SDK1: variants seen among roughly 807,000 people sequenced by gnomAD.
SDK1 encodes the protein sidekick cell adhesion molecule 1.
In SDK1, 157 loss-of-function variants were observed where a neutral mutation model predicts 245.5. The ratio of observed to expected loss-of-function variants is 0.64; its 90% confidence interval spans 0.56 to 0.73. The LOEUF is 0.73. Ranked by LOEUF, SDK1 falls within the 30% of genes least tolerant of loss-of-function variation. The pLI is 0.00. For synonymous variants in SDK1, 1,647 were observed against 1,278.5 expected, an observed-to-expected ratio of 1.29 and a Z score of -6.15; for missense variants, 3,583 against 3,002.3, an observed-to-expected ratio of 1.19 and a Z score of -4.52.
At chr7:3,643,914 T>A (rs2128653127) in intron 4 of SDK1, 1 of 149,550 alleles carries the variant, frequency 6.7e-6, no homozygotes, top group Non-Finnish European at 1.5e-5. Context: ...AATTAATAAT[T>A]ATTATTTTGA....
Position 3,596,332 on chromosome 7 carries a change from C to T in SDK1, c.299-22748C>T, listed in dbSNP as rs975656135. Reference sequence around the variant, plus strand: ...AATTGGTACAAGAGAGTAAGTCTGACAGTGCCAGTGACCATCAGAACAAAC... The same window carrying T: ...AATTGGTACAAGAGAGTAAGTCTGATAGTGCCAGTGACCATCAGAACAAAC... On this transcript the variant is annotated intron_variant, in intron 1 of 44. Coordinates refer to ENST00000404826, the MANE Select transcript of SDK1 (RefSeq NM_152744.4). Among the ~76,000 whole-genome samples, 7 of 152,174 alleles carry T rather than the reference C, an allele frequency of 4.6e-5. No homozygotes were observed. In the South Asian group the frequency reaches 1.5e-3, roughly 32 times the overall value.
intron 5 of SDK1, among the ~76,000 whole-genome samples, chr7:3,836,377 G>A (rs189484469): frequency 1.3e-3 from 199 of 152,228 alleles, no homozygotes; most frequent in Non-Finnish European, 2.3e-3. Flanking sequence ...TAAAAAGTAC[G>A]GCATTAGTCA....
chr7:3,665,412 C>G (rs1413988707), intron 4 of SDK1, among the ~76,000 whole-genome samples: 3 of 152,118 alleles, frequency 2.0e-5, no homozygotes, highest in African/African-American at 7.2e-5. Flanking sequence ...CTGCTCTAGC[C>G]TCTGCTGCCT....
intron 28 of SDK1, 200 bp downstream of exon 28, chr7:4,132,623 G>T (rs1462035387): frequency 2.0e-6 from 1 of 496,218 alleles, no homozygotes; most frequent in Non-Finnish European, 3.7e-6. Context: ...AGCTACTTGG[G>T]AGGCTAAGGT....
intron 35 of SDK1, among the ~76,000 whole-genome samples, chr7:4,184,284 C>T (rs1177712724): frequency 1.3e-5 from 2 of 152,198 alleles, no homozygotes; most frequent in African/African-American, 2.4e-5. Flanking sequence ...CATAGGTAAG[C>T]GTGCAGGTCC....
chr7:3,419,353 T>C (rs1000922600), intron 1 of SDK1, among the ~76,000 whole-genome samples: 2 of 152,184 alleles, frequency 1.3e-5, no homozygotes, highest in Non-Finnish European at 2.9e-5. Flanking sequence ...AAGTCAGTAA[T>C]TAGGATCCAC....
chr7:3,840,056 TAGAAA>T (rs1410654603), intron 5 of SDK1, among the ~76,000 whole-genome samples: 3 of 152,210 alleles, frequency 2.0e-5, no homozygotes, highest in Non-Finnish European at 4.4e-5. Context: ...CTCCGTATGA[TAGAAA>T]AGAGTGACCT....
chr7:3,974,436 G>A lies in SDK1; in HGVS notation c.1885G>A (p.Asp629Asn). ...SSTSRIVVEK[D>N]GSLLISQTWS... is the part of the protein sequence containing the mutation. ...CACGTCTAGGATCGTGGTGGAGAAG[G>A]ACGGGTCCCTTCTCATCAGCCAGAC... Residue 629 changes from aspartate to asparagine, a missense_variant, in exon 13 of 45, where the codon GAC becomes AAC. Asp to Asn is a conservative substitution (Grantham distance 23, BLOSUM62 1). Transcript: ENST00000404826. 1.2e-6 allele frequency: 2 copies of A among 1,614,134 alleles called. No homozygotes were observed. The highest frequency in any genetic ancestry group is 2.2e-5 in the East Asian group (1 of 44,878).
chr7:3,769,969 T>C (rs1780361604), intron 4 of SDK1, among the ~76,000 whole-genome samples: 1 of 151,098 alleles, frequency 6.6e-6, no homozygotes, highest in African/African-American at 2.5e-5. Context: ...TGTGTGTGTG[T>C]ATTTACGGCT....
chr7:3,862,899 T>G (rs1780729439), intron 5 of SDK1, among the ~76,000 whole-genome samples: 1 of 152,186 alleles, frequency 6.6e-6, no homozygotes, highest in Non-Finnish European at 1.5e-5. Flanking sequence ...TATGGATCCC[T>G]GGCATGCACA....
chr7:4,221,945 G>A (rs1002360843), intron 40 of SDK1, among the ~76,000 whole-genome samples: 18 of 152,152 alleles, frequency 1.2e-4, no homozygotes, highest in African/African-American at 3.9e-4. Flanking sequence ...GTTTCTGATC[G>A]GGTGCGTCGG....
intron 22 of SDK1, among the ~76,000 whole-genome samples, chr7:4,082,079 G>A (rs1170691972): frequency 1.3e-5 from 2 of 152,156 alleles, no homozygotes; most frequent in East Asian, 1.9e-4. Context: ...GGAATAACAG[G>A]TTTTCCTGGG....
At chr7:3,937,724 G>C (rs930572248) in intron 5 of SDK1, among the ~76,000 whole-genome samples, 1 of 152,212 alleles carries the variant, frequency 6.6e-6, no homozygotes, top group South Asian at 2.1e-4. Context: ...CCCTGCCCGC[G>C]CGTCCTGCAG....
chr7:3,420,849 C>T (rs1779515661), intron 1 of SDK1, among the ~76,000 whole-genome samples: 1 of 152,084 alleles, frequency 6.6e-6, no homozygotes. Context: ...CCGATTAACC[C>T]ATCACCAAGT....
intron 5 of SDK1, among the ~76,000 whole-genome samples, chr7:3,941,260 C>A (rs550469950): frequency 6.6e-6 from 1 of 152,128 alleles, no homozygotes; most frequent in South Asian, 2.1e-4. Flanking sequence ...GACTTTGCAG[C>A]CTTTTCCCAA....
intron 1 of SDK1, among the ~76,000 whole-genome samples, chr7:3,577,534 C>T (rs1364041058): frequency 6.6e-6 from 1 of 151,968 alleles, no homozygotes; most frequent in African/African-American, 2.4e-5. Context: ...GCCTCCACCT[C>T]AAGGGTAACC....
At chr7:3,380,567 A>C (rs1020772048) in intron 1 of SDK1, among the ~76,000 whole-genome samples, 1 of 152,242 alleles carries the variant, frequency 6.6e-6, no homozygotes, top group Non-Finnish European at 1.5e-5. Context: ...ATTAAGCTGC[A>C]AGTAACAAAT....
At chr7:3,637,871 C>T (rs963784142) in intron 2 of SDK1, among the ~76,000 whole-genome samples, 2 of 152,242 alleles carry the variant, frequency 1.3e-5, no homozygotes, top group East Asian at 1.9e-4. Context: ...TGGAGAGAGA[C>T]GCCCTGATGG....
chr7:4,145,980 C>CCAGAGGGCCTGAT, intron 29 of SDK1, 64 bp downstream of exon 29: 1 of 1,427,788 alleles, frequency 7.0e-7, no homozygotes, highest in Non-Finnish European at 9.5e-7. Flanking sequence ...CAATCAGGCC[C>CCAGAGGGCCTGAT]TCTGGGGTCT....
Sources: gnomAD v4.1 joint callset for allele counts (sites outside exome capture counted in the v4.1 genomes callset) on GRCh38, gnomAD v4.1.1 for gene constraint, MANE v1.5 for transcripts, NCBI Gene and HGNC (gene_info 2026-07-23, HGNC 2026-07-21) for gene names.